Variants in ZFR2 observed in about 807,000 individuals in gnomAD.
ZFR2 encodes the protein zinc finger RNA-binding protein 2.
In ZFR2, 104 loss-of-function variants were observed where a neutral mutation model predicts 105.7. That is an observed-to-expected ratio of 0.98 (90% CI 0.84 to 1.16). The LOEUF (loss-of-function observed/expected upper bound fraction) is 1.16. Among genes scored for constraint, ZFR2 ranks in the 50% most tolerant of loss-of-function variants. The probability of loss-of-function intolerance (pLI) is 0.00; values close to 1 mark genes in which losing one functional copy is unlikely to be tolerated. For synonymous variants in ZFR2, 634 were observed against 597.7 expected, an observed-to-expected ratio of 1.06 and a Z score of -0.89; for missense variants, 1,425 against 1,355.5, an observed-to-expected ratio of 1.05 and a Z score of -0.80.
At chr19:3,859,328 C>T (rs1267111980) in intron 1 of ZFR2, among the ~76,000 whole-genome samples, 4 of 152,212 alleles carry the variant, frequency 2.6e-5, no homozygotes, top group South Asian at 2.1e-4. Context: ...GCTGTGCTGT[C>T]GGCTTCCCGA....
At chr19:3,841,345 C>T (rs1027708277) in intron 1 of ZFR2, among the ~76,000 whole-genome samples, 2 of 152,192 alleles carry the variant, frequency 1.3e-5, no homozygotes, top group African/African-American at 4.8e-5. Context: ...GTCTCAGATG[C>T]ACCCATGGAT....
chr19:3,823,262 G>C lies in ZFR2; in HGVS notation c.1355C>G (p.Pro452Arg). The C allele has an allele frequency of 2.5e-6, 4 of 1,613,908 alleles. 1 individual carries two copies. The highest frequency in any genetic ancestry group is 8.5e-7 in the Non-Finnish European group (1 of 1,179,876). Residue 452 changes from proline (P) to arginine (R), a missense_variant, in exon 8 of 19, where the codon CCG becomes CGG. Pro to Arg is a moderately radical substitution (Grantham distance 103). Transcript: ENST00000262961. The surrounding 1 kb of genome is among the most constrained non-coding windows in gnomAD (Gnocchi z 5.4). ...TCGACTTACCTCCTCCACATATTCCGGGCCCACCGGCTGCGCATCAGAGCA... is the reference window on the plus strand; with the variant it reads ...TCGACTTACCTCCTCCACATATTCCCGGCCCACCGGCTGCGCATCAGAGCA... ...AGCSDAQPVGPEYVEEVFSDE... is the reference protein window; with the variant it reads ...AGCSDAQPVGREYVEEVFSDE...
intron 9 of ZFR2, 72 bp downstream of exon 9, chr19:3,822,009 A>G (rs1423096028): frequency 1.1e-5 from 16 of 1,515,282 alleles, no homozygotes; most frequent in Non-Finnish European, 1.4e-5. Flanking sequence ...AGGCCCGACC[A>G]CAGGCCTCCC....
chr19:3,810,158 C>T (rs903162929), intron 16 of ZFR2, among the ~76,000 whole-genome samples: 12 of 152,002 alleles, frequency 7.9e-5, no homozygotes, highest in South Asian at 2.1e-4. Flanking sequence ...AGATGGGGGA[C>T]GCCCGCAGGG....
chr19:3,822,269 C>T, intron 8 of ZFR2, 69 bp from the exon 9 acceptor site: 2 of 1,532,436 alleles, frequency 1.3e-6, no homozygotes, highest in Non-Finnish European at 1.8e-6. Flanking sequence ...CTACCGCTGC[C>T]AGGTCGCGGC....
At position 3,810,744 on chromosome 19, in the gene ZFR2, C is replaced by T. The variant is rs568297927; in HGVS notation, c.2433+6G>A. On this transcript the variant is annotated splice_donor_region_variant and intron_variant, in intron 16 of 18. Coordinates refer to ENST00000262961, the MANE Select transcript of ZFR2 (RefSeq NM_015174.2). ...TGGAGGGCCGGGCCGCCAGGCACTG[C>T]CTTACCCAGGCTGGCAGGGCCCCCC... The T allele has an allele frequency of 7.5e-4, 1,165 of 1,548,694 alleles. 1 individual carries two copies. The highest frequency in any genetic ancestry group is 9.5e-4 in the Non-Finnish European group (1,085 of 1,146,062).
intron 17 of ZFR2, 68 bp from the exon 18 acceptor site, chr19:3,807,337 G>T: frequency 8.2e-7 from 1 of 1,217,316 alleles, no homozygotes; most frequent in Non-Finnish European, 1.2e-6. Context: ...TGACAGGGCC[G>T]TCCCTCGACA....
chr19:3,842,240 A>T (rs1398259048), intron 1 of ZFR2, among the ~76,000 whole-genome samples: 1 of 151,918 alleles, frequency 6.6e-6, no homozygotes, highest in Non-Finnish European at 1.5e-5. Flanking sequence ...TCTTGAACTC[A>T]TGAGTTCAAG....
intron 14 of ZFR2, among the ~76,000 whole-genome samples, chr19:3,812,567 ACT>A (rs1232003266): frequency 6.6e-6 from 1 of 151,928 alleles, no homozygotes; most frequent in Non-Finnish European, 1.5e-5. Context: ...GGAAAGAGCC[ACT>A]GTCTAGTGGC....
At chr19:3,837,608 T>C (rs1445821398) in intron 1 of ZFR2, among the ~76,000 whole-genome samples, 1 of 146,554 alleles carries the variant, frequency 6.8e-6, no homozygotes, top group African/African-American at 2.6e-5. Context: ...ATGAATGCTG[T>C]GACTGTGGAA....
At chr19:3,826,991 C>T (rs541775452) in intron 6 of ZFR2, among the ~76,000 whole-genome samples, 44 of 152,180 alleles carry the variant, frequency 2.9e-4, no homozygotes, top group African/African-American at 9.9e-4. Flanking sequence ...CCTGTAATCC[C>T]GGCACTTTGG....
chr19:3,855,472 T>C, intron 1 of ZFR2: 2 of 1,230,334 alleles, frequency 1.6e-6, no homozygotes, highest in Non-Finnish European at 2.0e-6. Flanking sequence ...AAATACTTCC[T>C]GGGTGCTAGT....
rs200858752 is a variant in ZFR2, at chr19:3,834,904, C to T, written c.133G>A (p.Val45Met). 1,379 of 1,611,528 alleles carry T rather than the reference C, an allele frequency of 8.6e-4. 1 individual carries two copies. Among genetic ancestry groups the T allele is most frequent in the Non-Finnish European group, 1.0e-3 (1,204 of 1,179,034 alleles). Residue 45 changes from valine to methionine, a missense_variant, in exon 2 of 19, where the codon GTG (valine) becomes ATG (methionine). By Grantham distance (21) the Val-to-Met change is conservative. Coordinates refer to ENST00000262961, the MANE Select transcript of ZFR2 (RefSeq NM_015174.2). This position sits in a 1 kb window ranked among gnomAD's most constrained non-coding sequence, Gnocchi z 5.3. ...GCAGCTGGGGGAAAGGCCGGGTTCACGGCAGGGTCCATCCCAGGAGTGGGT... is the reference window on the plus strand; with the variant it reads ...GCAGCTGGGGGAAAGGCCGGGTTCATGGCAGGGTCCATCCCAGGAGTGGGT... ...AQPTPGMDPA[V>M]NPAFPPAAPA...
At chr19:3,845,529 C>T (rs371675338) in intron 1 of ZFR2, among the ~76,000 whole-genome samples, 56 of 150,972 alleles carry the variant, frequency 3.7e-4, no homozygotes, top group African/African-American at 1.3e-3. Flanking sequence ...CAAGGTCACA[C>T]TTTTGTAATC....
intron 10 of ZFR2, among the ~76,000 whole-genome samples, chr19:3,821,009 G>C (rs565012544): frequency 4.8e-5 from 7 of 147,250 alleles, no homozygotes; most frequent in Non-Finnish European, 1.1e-4. Flanking sequence ...AGAGGTCGGG[G>C]ACACAGGGAC....
chr19:3,857,478 G>A (rs2038319170), intron 1 of ZFR2, among the ~76,000 whole-genome samples: 1 of 151,194 alleles, frequency 6.6e-6, no homozygotes, highest in Non-Finnish European at 1.5e-5. Flanking sequence ...GCTGAGGTGG[G>A]CGGATCACTT....
intron 1 of ZFR2, among the ~76,000 whole-genome samples, chr19:3,837,209 C>T (rs1414657916): frequency 6.6e-6 from 1 of 152,196 alleles, no homozygotes; most frequent in Admixed American, 6.5e-5. Context: ...GCAATCTCGG[C>T]TCACTGCAAC....
At chr19:3,817,837 G>A (rs1191222918) in intron 12 of ZFR2, among the ~76,000 whole-genome samples, 1 of 151,776 alleles carries the variant, frequency 6.6e-6, no homozygotes, top group East Asian at 1.9e-4. Context: ...ACCCACAGGT[G>A]CAAGGCTCAC....
intron 16 of ZFR2, among the ~76,000 whole-genome samples, chr19:3,809,462 G>A (rs997877117): frequency 3.3e-5 from 5 of 152,178 alleles, no homozygotes; most frequent in African/African-American, 1.2e-4. Context: ...CAGTTCCCGA[G>A]GGCACGAGGG....
Sources: gnomAD v4.1 joint callset for allele counts (sites outside exome capture counted in the v4.1 genomes callset) on GRCh38, gnomAD v4.1.1 for gene constraint, Gnocchi (gnomAD v3.1) non-coding constraint, MANE v1.5 for transcripts, NCBI Gene and HGNC (gene_info 2026-07-23, HGNC 2026-07-21) for gene names.